Variants in EIF4G3 observed in about 807,000 individuals in gnomAD.
EIF4G3 encodes the protein eukaryotic translation initiation factor 4 gamma 3, also known as eIF-4-gamma 3.
EIF4G3 carries 34 observed loss-of-function variants against 186.4 expected under a neutral mutation model. The ratio of observed to expected loss-of-function variants is 0.18; its 90% confidence interval spans 0.14 to 0.24. The LOEUF (loss-of-function observed/expected upper bound fraction) is 0.24, where lower values mean the gene tolerates loss of function less well. Ranked by LOEUF, EIF4G3 falls within the 10% of genes least tolerant of loss-of-function variation. EIF4G3 has a pLI of 1.00. For synonymous variants in EIF4G3, 673 were observed against 679.5 expected (o/e 0.99, Z 0.15); for missense variants, 1,536 against 1,948.5 (o/e 0.79, Z 3.99).
At chr1:20,821,419 T>C (rs2062313513) in intron 33 of EIF4G3, among the ~76,000 whole-genome samples, 1 of 152,242 alleles carries the variant, frequency 6.6e-6, no homozygotes, top group African/African-American at 2.4e-5. Context: ...TTTTTCATTA[T>C]GCAATCCCCT....
Position 21,176,878 on chromosome 1 carries a change from A to G in EIF4G3, c.-612T>C, listed in dbSNP as rs1279381149. 7.2e-6 allele frequency: 5 copies of G among 695,386 alleles called. No homozygotes were observed. The highest frequency in any genetic ancestry group is 5.5e-5 in the East Asian group (2 of 36,318). 43.1% of individuals were successfully genotyped at this position (695,386 alleles called of 1,614,324 possible). On this transcript the variant is annotated 5_prime_UTR_variant, in exon 1 of 37. Transcript: ENST00000602326. ...CCAACATGGCGCTGTGGCCGCCTCC[A>G]GCAGTCCGGCAGGACGGCTGCTCGG...
At chr1:20,919,061 T>C (rs1342434895) in intron 14 of EIF4G3, among the ~76,000 whole-genome samples, 2 of 152,220 alleles carry the variant, frequency 1.3e-5, no homozygotes, top group African/African-American at 4.8e-5. Context: ...TGTTCTTTCT[T>C]TTCTGTGAAT....
intron 2 of EIF4G3, among the ~76,000 whole-genome samples, chr1:21,114,903 C>T (rs565805892): frequency 2.0e-5 from 3 of 152,234 alleles, no homozygotes; most frequent in Admixed American, 1.3e-4. Context: ...TTGCTTATGC[C>T]TGTAATCCTA....
chr1:20,991,287 G>A (rs1480428795), intron 7 of EIF4G3, among the ~76,000 whole-genome samples: 2 of 152,196 alleles, frequency 1.3e-5, no homozygotes, highest in Non-Finnish European at 2.9e-5. Flanking sequence ...TCAGTTCCGG[G>A]TCAAGCACAG....
At chr1:21,135,796 T>C (rs947598662) in intron 2 of EIF4G3, among the ~76,000 whole-genome samples, 2 of 152,218 alleles carry the variant, frequency 1.3e-5, no homozygotes, top group Non-Finnish European at 2.9e-5. Flanking sequence ...TAATCAATCA[T>C]GCCAGAGCTC....
intron 14 of EIF4G3, among the ~76,000 whole-genome samples, chr1:20,911,986 G>C (rs2093296712): frequency 6.6e-6 from 1 of 152,138 alleles, no homozygotes; most frequent in Non-Finnish European, 1.5e-5. Flanking sequence ...GACAGAGTGA[G>C]GCTCTGTCTC....
chr1:20,939,698 T>C (rs945415710), intron 14 of EIF4G3, among the ~76,000 whole-genome samples: 4 of 152,218 alleles, frequency 2.6e-5, no homozygotes, highest in Non-Finnish European at 5.9e-5. Context: ...AAAAACATTT[T>C]TGTTCATTAG....
intron 3 of EIF4G3, among the ~76,000 whole-genome samples, chr1:21,069,450 A>G (rs964950763): frequency 6.6e-6 from 1 of 152,232 alleles, no homozygotes; most frequent in Admixed American, 6.5e-5. Context: ...CTTAAAGACA[A>G]GGATCATAGT....
intron 14 of EIF4G3, among the ~76,000 whole-genome samples, chr1:20,923,695 A>G (rs565378675): frequency 2.0e-5 from 3 of 152,150 alleles, no homozygotes; most frequent in Admixed American, 6.5e-5. Flanking sequence ...ACCAGACTGC[A>G]AAGCACAGAG....
chr1:21,148,055 T>C (rs1244053357), intron 2 of EIF4G3, among the ~76,000 whole-genome samples: 2 of 152,156 alleles, frequency 1.3e-5, no homozygotes, highest in Non-Finnish European at 1.5e-5. Flanking sequence ...TGCACAAAGA[T>C]GGTTTCCAGC....
chr1:20,906,946 A>G (rs912060765), intron 14 of EIF4G3, among the ~76,000 whole-genome samples: 1 of 152,128 alleles, frequency 6.6e-6, no homozygotes, highest in Non-Finnish European at 1.5e-5. Context: ...AAGGGGGAGA[A>G]AAGGGAGTAG....
chr1:20,855,109 A>G, intron 25 of EIF4G3, 38 bp from the exon 26 acceptor site: 2 of 1,439,740 alleles, frequency 1.4e-6, no homozygotes, highest in South Asian at 2.5e-5. Flanking sequence ...TATAGGAAAT[A>G]TTCTAGAAGA....
chr1:21,167,781 T>C (rs2097882980), intron 2 of EIF4G3, among the ~76,000 whole-genome samples: 1 of 152,036 alleles, frequency 6.6e-6, no homozygotes, highest in South Asian at 2.1e-4. Context: ...ATTAGGACTC[T>C]GGCTCCCAGC....
chr1:21,018,570 A>T (rs935905495), intron 4 of EIF4G3, among the ~76,000 whole-genome samples: 3 of 152,130 alleles, frequency 2.0e-5, no homozygotes, highest in African/African-American at 7.2e-5. Context: ...TTAAAAAAAA[A>T]AAAAAATTAA....
At chr1:21,022,621 T>G (rs1193612559) in intron 4 of EIF4G3, among the ~76,000 whole-genome samples, 1 of 152,240 alleles carries the variant, frequency 6.6e-6, no homozygotes, top group Admixed American at 6.5e-5. Flanking sequence ...AAGCTCAATT[T>G]AGACATCACA....
chr1:20,832,460 G>GT (rs891488925), intron 30 of EIF4G3, among the ~76,000 whole-genome samples: 1 of 117,532 alleles, frequency 8.5e-6, no homozygotes, highest in African/African-American at 3.0e-5. Flanking sequence ...GGGGTTGTTT[G>GT]TTTTTTTCTT....
Position 20,904,909 on chromosome 1 carries a change from C to T in EIF4G3, c.1726G>A (p.Glu576Lys), listed in dbSNP as rs1343596232. Reference protein sequence around the residue: ...KKPKDRTRTTEEMLEAELELK... With the variant: ...KKPKDRTRTTKEMLEAELELK... ...TCCAATTCTGCCTCTAACATCTCTT[C>T]AGTGGTTCGGGTCCGATCTTTTGGT... Residue 576 changes from glutamate (E) to lysine (K), a missense_variant, in exon 15 of 37, where the codon GAA becomes AAA. Around this residue, in one of 11 missense-constraint regions of EIF4G3, gnomAD observed 560 missense variants for 547.8 expected, o/e 1.02. Transcript: ENST00000602326. The T allele has an allele frequency of 1.2e-6, 2 of 1,613,828 alleles. No homozygotes were observed. Among genetic ancestry groups the T allele is most frequent in the East Asian group, 2.2e-5 (1 of 44,874 alleles).
intron 3 of EIF4G3, among the ~76,000 whole-genome samples, chr1:21,066,294 GA>G (rs11330786): frequency 0.93 from 128,139 of 138,146 alleles, 59,844 homozygotes; most frequent in East Asian, 1. Context: ...ACTCCTGGAG[GA>G]AAAAAAAAAA....
At chr1:20,859,050 T>C (rs1317479998) in intron 24 of EIF4G3, among the ~76,000 whole-genome samples, 2 of 152,226 alleles carry the variant, frequency 1.3e-5, no homozygotes, top group African/African-American at 4.8e-5. Context: ...GAACTGTCTA[T>C]CCAAAAGCTT....
Sources: allele counts gnomAD v4.1 joint callset (sites outside exome capture counted in the v4.1 genomes callset), GRCh38; gene constraint gnomAD v4.1.1; regional missense constraint gnomAD v4.1.1; transcripts MANE v1.5; gene names NCBI Gene and HGNC (gene_info 2026-07-23, HGNC 2026-07-21).